PRSS27: variants seen among roughly 807,000 people sequenced by gnomAD.
PRSS27 encodes the protein serine protease 27, also known as channel-activating protease 2.
In PRSS27, 25 loss-of-function variants were observed where a neutral mutation model predicts 32.0. That is an observed-to-expected ratio of 0.78 (90% confidence interval 0.57 to 1.09). PRSS27 has a LOEUF of 1.09. PRSS27 is among the 50% of genes least tolerant of loss of function. PRSS27 has a pLI of 0.00. For missense variants in PRSS27, 401 were observed against 394.9 expected (o/e 1.02, Z -0.13); for synonymous variants, 178 against 172.2 (o/e 1.03, Z -0.26).
At chr16:2,713,387 C>G (rs548230170) in intron 5 of PRSS27, 142 bp downstream of exon 5, 42 of 904,428 alleles carry the variant, frequency 4.6e-5, no homozygotes, top group South Asian at 3.4e-4. Flanking sequence ...CGTGAGCCAC[C>G]ACACCCGGCC....
At chr16:2,713,302 G>T (rs2067676743) in intron 5 of PRSS27, 1 of 560,690 alleles carries the variant, frequency 1.8e-6, no homozygotes, top group Non-Finnish European at 3.3e-6. Context: ...GTTTCACTGT[G>T]TTAGCCAGGA....
In PRSS27 at chr16:2,714,055, G is replaced by T. The variant is rs1230594409; in HGVS notation, c.508+10C>A. The T allele has an allele frequency of 6.3e-7, 1 of 1,598,958 alleles. No individual in the cohort carries two copies. Among genetic ancestry groups the T allele is most frequent in the Non-Finnish European group, 8.5e-7 (1 of 1,171,168 alleles). ...ATATCCCCCATTCTTTCCCAGCCCTGTCCCCTTACCTTCCTCACTGGGGCT... is the reference window on the plus strand; with the variant it reads ...ATATCCCCCATTCTTTCCCAGCCCTTTCCCCTTACCTTCCTCACTGGGGCT... On this transcript the variant is annotated intron_variant, in intron 4 of 5. Coordinates refer to ENST00000302641, the MANE Select transcript of PRSS27 (RefSeq NM_031948.5). This position sits in a 1 kb window ranked among gnomAD's most constrained non-coding sequence, Gnocchi z 4.7.
intron 3 of PRSS27, chr16:2,715,135 A>G (rs890945969): frequency 6.6e-6 from 1 of 152,096 alleles, no homozygotes; most frequent in Non-Finnish European, 1.5e-5. Context: ...AGAAGAAAAA[A>G]AAGAAAAAGA....
chr16:2,713,316 T>A (rs1299627464), intron 5 of PRSS27: 4 of 592,748 alleles, frequency 6.7e-6, no homozygotes, highest in Non-Finnish European at 9.3e-6. Flanking sequence ...GCCAGGATGG[T>A]CTCCATCTCC....
rs983806114 is a variant in PRSS27, at chr16:2,712,850, T to C, written c.679-36A>G. On this transcript the variant is annotated intron_variant, in intron 5 of 5. Transcript: ENST00000302641. This position sits in a 1 kb window ranked among gnomAD's most constrained non-coding sequence, Gnocchi z 4.6. ...CGCAGAGTCACCGTCAGAGCCCACC[T>C]TGAGTTCCCAGAGACTCAGTTGCAG... 6.8e-7 allele frequency: 1 copy of C among 1,461,734 alleles called. No individual in the cohort carries two copies. Among genetic ancestry groups the C allele is most frequent in the Non-Finnish European group, 9.1e-7 (1 of 1,100,926 alleles). 90.5% of individuals were successfully genotyped at this position (1,461,734 alleles called of 1,614,324 possible).
chr16:2,718,137 G>C (rs2142068258), intron 1 of PRSS27: 1 of 152,274 alleles, frequency 6.6e-6, no homozygotes, highest in Admixed American at 6.5e-5. Flanking sequence ...CAGGAGCTGT[G>C]TCTCCATGCT....
At chr16:2,719,805 A>G (rs923614936) in intron 1 of PRSS27, among the ~76,000 whole-genome samples, 2 of 152,194 alleles carry the variant, frequency 1.3e-5, no homozygotes, top group African/African-American at 4.8e-5. Flanking sequence ...CCGAGGTGGC[A>G]GGAAGCAGGG....
At position 2,717,238 on chromosome 16, in the gene PRSS27, G is replaced by C. The variant is rs1389994563; in HGVS notation, c.47-712C>G. 1 of 152,344 alleles carries C rather than the reference G, an allele frequency of 6.6e-6. No homozygotes were observed. The highest frequency in any genetic ancestry group is 1.5e-5 in the Non-Finnish European group (1 of 68,166). 9.4% of individuals were successfully genotyped at this position (152,344 alleles called of 1,614,324 possible). A position where few individuals can be genotyped will look rare whatever the true frequency, so the allele number is the denominator to read the frequency against. ...GACCCCCTGCTGGGCTGTGCAAGGG[G>C]GCTTTGGAGCGGATAAAGTGAGGGG... On this transcript the variant is annotated intron_variant, in intron 1 of 5. Transcript: ENST00000302641. This position sits in a 1 kb window ranked among gnomAD's most constrained non-coding sequence, Gnocchi z 4.1.
rs1453275284 is a variant in PRSS27, at chr16:2,712,831, G to C, written c.679-17C>G. The C allele has an allele frequency of 6.6e-7, 1 of 1,514,122 alleles. No individual in the cohort carries two copies. The highest frequency in any genetic ancestry group is 2.2e-5 in the Admixed American group (1 of 45,602). The allele number at this position is 1,514,122 out of a possible 1,614,324, so 93.8% of individuals were successfully genotyped here. ...CGAGTCGCCCTGCGGGGGACGCAGA[G>C]TCACCGTCAGAGCCCACCTTGAGTT... On this transcript the variant is annotated splice_polypyrimidine_tract_variant and intron_variant, in intron 5 of 5. Coordinates refer to ENST00000302641, the MANE Select transcript of PRSS27 (RefSeq NM_031948.5). This position sits in a 1 kb window ranked among gnomAD's most constrained non-coding sequence, Gnocchi z 4.6.
At chr16:2,715,934 C>T (rs1321720864) in intron 2 of PRSS27, 54 bp from the exon 3 acceptor site, 6 of 1,430,804 alleles carry the variant, frequency 4.2e-6, no homozygotes, top group African/African-American at 1.4e-5. Flanking sequence ...GTTCCATGGC[C>T]GAGGCCCAGC....
chr16:2,714,250 C>T lies in PRSS27; in HGVS notation c.323G>A (p.Arg108Lys). 6.2e-7 allele frequency: 1 copy of T among 1,613,530 alleles called. No homozygotes were observed. The highest frequency in any genetic ancestry group is 8.5e-7 in the Non-Finnish European group (1 of 1,179,790). The change falls in exon 4 of 6, where the codon AGG (arginine) becomes AAG (lysine). Residue 108 changes from arginine to lysine, a missense_variant. Transcript: ENST00000302641. The surrounding 1 kb of genome is among the most constrained non-coding windows in gnomAD (Gnocchi z 4.7). ...GTACAGGGGGTTGCTCTCCACCTGCCTCACCCGGGCATACATAGCGTGTGG... is the reference window on the plus strand; with the variant it reads ...GTACAGGGGGTTGCTCTCCACCTGCTTCACCCGGGCATACATAGCGTGTGG... ...PGPHAMYARV[R>K]QVESNPLYQG...
intron 1 of PRSS27, 99 bp from the exon 2 acceptor site, chr16:2,716,625 G>T: frequency 8.6e-7 from 1 of 1,165,634 alleles, no homozygotes; most frequent in South Asian, 1.3e-5. Flanking sequence ...CAGCTCCTGA[G>T]GACTCCAGAG....
chr16:2,715,782 G>T lies in PRSS27; in HGVS notation c.172C>A (p.His58Asn). 1 of 1,600,108 alleles carries T rather than the reference G, an allele frequency of 6.2e-7. No individual in the cohort carries two copies. The highest frequency in any genetic ancestry group is 2.2e-5 in the East Asian group (1 of 44,490). Residue 58 changes from histidine to asparagine, a missense_variant, in exon 3 of 6, where the codon CAC becomes AAC. By Grantham distance (68) the His-to-Asn change is moderately conservative. Transcript: ENST00000302641. ...GCGATGAGGCTGCCCCCGCAGAAGT[G>T]GCTTCCGTTGCGCTGGATGCTGACT... Reference protein sequence around the residue: ...WQVSIQRNGSHFCGGSLIAEQ... With the variant: ...WQVSIQRNGSNFCGGSLIAEQ...
intron 1 of PRSS27, 147 bp from the exon 2 acceptor site, chr16:2,716,673 G>T: frequency 1.3e-6 from 1 of 776,648 alleles, no homozygotes; most frequent in Non-Finnish European, 2.1e-6. Flanking sequence ...AGAGCCCAAG[G>T]GCCTGCAGTT....
At chr16:2,715,601 G>T (rs1324077565) in intron 3 of PRSS27, 117 bp downstream of exon 3, 2 of 736,078 alleles carry the variant, frequency 2.7e-6, no homozygotes, top group Non-Finnish European at 4.2e-6. Flanking sequence ...TGGACCAGGA[G>T]CCCCCAGGGA....
At position 2,714,054 on chromosome 16, in the gene PRSS27, T is replaced by C. The variant is rs761149167; in HGVS notation, c.508+11A>G. 223 of 1,598,206 alleles carry C rather than the reference T, an allele frequency of 1.4e-4. No individual in the cohort carries two copies. Among genetic ancestry groups the C allele is most frequent in the Non-Finnish European group, 1.2e-5 (14 of 1,170,734 alleles). On this transcript the variant is annotated intron_variant, in intron 4 of 5. Transcript: ENST00000302641. This position sits in a 1 kb window ranked among gnomAD's most constrained non-coding sequence, Gnocchi z 4.7. Reference sequence around the variant, plus strand: ...CATATCCCCCATTCTTTCCCAGCCCTGTCCCCTTACCTTCCTCACTGGGGC... The same window carrying C: ...CATATCCCCCATTCTTTCCCAGCCCCGTCCCCTTACCTTCCTCACTGGGGC...
chr16:2,718,784 T>C (rs1268602775), intron 1 of PRSS27, among the ~76,000 whole-genome samples: 2 of 152,164 alleles, frequency 1.3e-5, no homozygotes, highest in South Asian at 2.1e-4. Context: ...AATCAAGTCT[T>C]ATCTTAGCCC....
At chr16:2,719,747 C>A (rs2067723626) in intron 1 of PRSS27, among the ~76,000 whole-genome samples, 1 of 152,202 alleles carries the variant, frequency 6.6e-6, no homozygotes, top group Non-Finnish European at 1.5e-5. Flanking sequence ...GAGTTCACAT[C>A]CTGCACGTAG....
At position 2,715,777 on chromosome 16, in the gene PRSS27, G is replaced by C. The variant is rs370731792; in HGVS notation, c.177C>G (p.Phe59Leu). 6.5e-5 allele frequency: 104 copies of C among 1,598,428 alleles called. No individual in the cohort carries two copies. The highest frequency in any genetic ancestry group is 8.3e-5 in the Non-Finnish European group (97 of 1,175,496). The change falls in exon 3 of 6, where the codon TTC becomes TTG. Residue 59 changes from phenylalanine (F) to leucine (L), a missense_variant. By Grantham distance (22) the Phe-to-Leu change is conservative. Coordinates refer to ENST00000302641, the MANE Select transcript of PRSS27 (RefSeq NM_031948.5). ...GCTCCGCGATGAGGCTGCCCCCGCA[G>C]AAGTGGCTTCCGTTGCGCTGGATGC... ...QVSIQRNGSH[F>L]CGGSLIAEQW...
Sources: gnomAD v4.1 joint callset for allele counts (sites outside exome capture counted in the v4.1 genomes callset) on GRCh38, gnomAD v4.1.1 for gene constraint, Gnocchi (gnomAD v3.1) non-coding constraint, MANE v1.5 for transcripts, NCBI Gene and HGNC (gene_info 2026-07-23, HGNC 2026-07-21) for gene names.